The following RORA variants were observed in gnomAD, a reference collection of about 807,000 sequenced individuals.
The protein encoded by RORA is nuclear receptor ROR-alpha.
In RORA, 7 loss-of-function variants were observed where a neutral mutation model predicts 69.5. The ratio of observed to expected loss-of-function variants is 0.10; its 90% CI spans 0.06 to 0.19. The LOEUF is 0.19. Among genes scored for constraint, RORA ranks in the 10% least tolerant of loss-of-function variants. The pLI is 1.00. For synonymous variants in RORA, 261 were observed against 240.8 expected, an observed-to-expected ratio of 1.08 and a Z score of -0.78; for missense variants, 457 against 663.0, an observed-to-expected ratio of 0.69 and a Z score of 3.41.
intron 1 of RORA, among the ~76,000 whole-genome samples, chr15:60,922,673 T>C (rs1170192588): frequency 6.6e-6 from 1 of 152,184 alleles, no homozygotes; most frequent in African/African-American, 2.4e-5. Flanking sequence ...ACAGAGTCAA[T>C]AGATAGGAAA....
At chr15:60,595,613 T>C (rs1187204566) in intron 2 of RORA, among the ~76,000 whole-genome samples, 1 of 152,058 alleles carries the variant, frequency 6.6e-6, no homozygotes, top group African/African-American at 2.4e-5. Flanking sequence ...AATAAATGCT[T>C]ATGAGTACCG....
chr15:61,034,387 A>T (rs1896343049), intron 1 of RORA, among the ~76,000 whole-genome samples: 1 of 152,178 alleles, frequency 6.6e-6, no homozygotes, highest in Non-Finnish European at 1.5e-5. Flanking sequence ...GTCTATATAG[A>T]GGCTATTCCT....
intron 1 of RORA, among the ~76,000 whole-genome samples, chr15:61,003,158 A>C (rs1894799201): frequency 6.6e-6 from 1 of 151,922 alleles, no homozygotes; most frequent in Non-Finnish European, 1.5e-5. Context: ...AGGAAAAAAA[A>C]GAAAAGAAAA....
chr15:60,521,689 C>T (rs2066172274), intron 3 of RORA, among the ~76,000 whole-genome samples: 1 of 152,182 alleles, frequency 6.6e-6, no homozygotes, highest in South Asian at 2.1e-4. Context: ...TCCAAGGTCC[C>T]ATGGCTGGGA....
Position 60,883,159 on chromosome 15 carries a change from AG to A in RORA, c.167-204474del, listed in dbSNP as rs2073709973. 2.0e-3 allele frequency among the ~76,000 whole-genome samples: 179 copies of A among 91,630 alleles called. 2 individuals carry two copies. Among genetic ancestry groups the A allele is most frequent in the Middle Eastern group, 6.2e-3 (1 of 162 alleles). 60.1% of individuals were successfully genotyped at this position (91,630 alleles called of 152,430 possible). On this transcript the variant is annotated intron_variant, in intron 1 of 10. Transcript: ENST00000335670. Reference sequence around the variant, plus strand: ...AAAAAAAAAAAAAAAAAAGAAAGAGAGAGAGAGAGAGAGAGAGAGAGAGAAA... The same window carrying A: ...AAAAAAAAAAAAAAAAAAGAAAGAGAAGAGAGAGAGAGAGAGAGAGAGAAA...
In RORA at chr15:60,841,775, T is replaced by A. The variant is rs529584024; in HGVS notation, c.167-163089A>T. Among the ~76,000 whole-genome samples the A allele has an allele frequency of 2.6e-5, 4 of 152,296 alleles. No individual in the cohort carries two copies. The East Asian group carries it at 7.7e-4, about 29-fold the overall frequency. ...TTGTGCTCCGCCCTTTATCTCCTTTTTTTTGGTTGTCACAGTTTCAGCTCA... is the reference window on the plus strand; with the variant it reads ...TTGTGCTCCGCCCTTTATCTCCTTTATTTTGGTTGTCACAGTTTCAGCTCA... On this transcript the variant is annotated intron_variant, in intron 1 of 10. Transcript: ENST00000335670.
At chr15:60,840,604 C>T (rs976486973) in intron 1 of RORA, among the ~76,000 whole-genome samples, 4 of 152,218 alleles carry the variant, frequency 2.6e-5, no homozygotes, top group African/African-American at 9.6e-5. Flanking sequence ...GATGTTTGCT[C>T]AGCTGCCTTT....
At chr15:60,779,581 A>G (rs1212451115) in intron 1 of RORA, among the ~76,000 whole-genome samples, 2 of 152,240 alleles carry the variant, frequency 1.3e-5, no homozygotes, top group African/African-American at 2.4e-5. Flanking sequence ...GTAAACAGAT[A>G]GGTTAACAGG....
chr15:60,699,268 T>C (rs1046180505), intron 1 of RORA, among the ~76,000 whole-genome samples: 1 of 152,188 alleles, frequency 6.6e-6, no homozygotes, highest in African/African-American at 2.4e-5. Flanking sequence ...TATTCACCTA[T>C]ACTTAAAATA....
At chr15:60,666,273 T>C (rs1404589774) in intron 2 of RORA, among the ~76,000 whole-genome samples, 1 of 150,734 alleles carries the variant, frequency 6.6e-6, no homozygotes, top group Non-Finnish European at 1.5e-5. Flanking sequence ...GCTCAAGCAA[T>C]CCTCCCAGCT....
intron 1 of RORA, among the ~76,000 whole-genome samples, chr15:61,112,115 T>C (rs1318959897): frequency 1.3e-5 from 2 of 152,168 alleles, no homozygotes; most frequent in African/African-American, 4.8e-5. Context: ...TTGGTCATTG[T>C]TGGTCTGGGG....
chr15:60,504,041 G>T (rs1392574354), intron 6 of RORA, among the ~76,000 whole-genome samples: 1 of 151,962 alleles, frequency 6.6e-6, no homozygotes, highest in East Asian at 2.0e-4. Flanking sequence ...GACCTCAAGT[G>T]TTGTCTGCCT....
chr15:60,990,131 C>G (rs1262351483), intron 1 of RORA, among the ~76,000 whole-genome samples: 1 of 152,168 alleles, frequency 6.6e-6, no homozygotes, highest in Non-Finnish European at 1.5e-5. Context: ...TAGCAGCAGA[C>G]TTTATCTTGT....
intron 1 of RORA, among the ~76,000 whole-genome samples, chr15:60,880,534 C>T (rs2073667494): frequency 6.6e-6 from 1 of 152,044 alleles, no homozygotes; most frequent in South Asian, 2.1e-4. Flanking sequence ...AGCTACTCAG[C>T]AGGCTGAGGC....
chr15:60,698,580 G>T (rs975206751), intron 1 of RORA, among the ~76,000 whole-genome samples: 3 of 148,322 alleles, frequency 2.0e-5, no homozygotes, highest in Non-Finnish European at 4.5e-5. Flanking sequence ...GTTATTAAAA[G>T]TAATTCTACT....
At chr15:60,649,265 T>C (rs1040971613) in intron 2 of RORA, among the ~76,000 whole-genome samples, 2 of 151,220 alleles carry the variant, frequency 1.3e-5, no homozygotes, top group Non-Finnish European at 2.9e-5. Flanking sequence ...ATCCCCGGCA[T>C]ATAAGATTCT....
chr15:60,682,801 C>T (rs1046442992), intron 1 of RORA, among the ~76,000 whole-genome samples: 4 of 152,140 alleles, frequency 2.6e-5, no homozygotes, highest in African/African-American at 9.7e-5. Flanking sequence ...AGATCCTTCC[C>T]CAGAGATTCA....
At chr15:61,220,200 G>C (rs1045076619) in intron 1 of RORA, among the ~76,000 whole-genome samples, 1 of 152,166 alleles carries the variant, frequency 6.6e-6, no homozygotes, top group African/African-American at 2.4e-5. Flanking sequence ...TTGATGATCA[G>C]GTTATTTCAT....
At chr15:60,672,577 C>G (rs915666224) in intron 2 of RORA, among the ~76,000 whole-genome samples, 6 of 152,156 alleles carry the variant, frequency 3.9e-5, no homozygotes, top group African/African-American at 1.4e-4. Flanking sequence ...CGGTGTGGCT[C>G]TTATGTGTGC....
Sources: gnomAD v4.1 joint callset for allele counts (sites outside exome capture counted in the v4.1 genomes callset) on GRCh38, gnomAD v4.1.1 for gene constraint, MANE v1.5 for transcripts, NCBI Gene and HGNC (gene_info 2026-07-23, HGNC 2026-07-21) for gene names.